TNFAIP8: variants seen among roughly 807,000 people sequenced by gnomAD.
TNFAIP8 encodes the protein TNF alpha induced protein 8.
In TNFAIP8, 7 loss-of-function variants were observed where a neutral mutation model predicts 13.3. The observed-to-expected ratio is 0.52, with a 90% CI of 0.30 to 0.99. The LOEUF (loss-of-function observed/expected upper bound fraction) is 0.99. TNFAIP8 is among the 50% of genes least tolerant of loss of function. The pLI is 0.07. For missense variants in TNFAIP8, 258 were observed against 236.9 expected (o/e 1.09, Z -0.58); for synonymous variants, 94 against 87.6 (o/e 1.07, Z -0.41).
intron 1 of TNFAIP8, among the ~76,000 whole-genome samples, chr5:119,315,388 G>T (rs1039640821): frequency 6.6e-6 from 1 of 152,166 alleles, no homozygotes; most frequent in African/African-American, 2.4e-5. Context: ...CTGGCCATAA[G>T]TTACTGATAA....
At chr5:119,310,812 TC>T (rs1382786849) in intron 1 of TNFAIP8, among the ~76,000 whole-genome samples, 2 of 151,860 alleles carry the variant, frequency 1.3e-5, no homozygotes, top group Admixed American at 6.6e-5. Context: ...GGGTGACAGA[TC>T]GAGACTCCAC....
At chr5:119,303,340 C>G (rs1004010523) in intron 1 of TNFAIP8, among the ~76,000 whole-genome samples, 10 of 152,138 alleles carry the variant, frequency 6.6e-5, no homozygotes, top group African/African-American at 1.7e-4. Flanking sequence ...AATGTTTTGC[C>G]ACTGACAACA....
At chr5:119,298,888 G>C (rs1174164898) in intron 1 of TNFAIP8, among the ~76,000 whole-genome samples, 1 of 152,054 alleles carries the variant, frequency 6.6e-6, no homozygotes, top group Admixed American at 6.5e-5. Flanking sequence ...CTTTCTTCCA[G>C]TTGATCTCAT....
At chr5:119,377,925 A>G (rs1418218459) in intron 1 of TNFAIP8, among the ~76,000 whole-genome samples, 1 of 152,200 alleles carries the variant, frequency 6.6e-6, no homozygotes. Context: ...CAGGAAATGA[A>G]CAGAAATGTG....
chr5:119,285,172 A>G (rs61179451), intron 1 of TNFAIP8, among the ~76,000 whole-genome samples: 10,559 of 152,236 alleles, frequency 0.069, 885 homozygotes, highest in African/African-American at 0.2. Flanking sequence ...GGAGGCGAGC[A>G]GGCGAGCAGA....
chr5:119,281,405 A>G (rs1392580854), intron 1 of TNFAIP8, among the ~76,000 whole-genome samples: 3 of 152,142 alleles, frequency 2.0e-5, no homozygotes, highest in Non-Finnish European at 4.4e-5. Context: ...GTTCAAGACT[A>G]TAGGGTTTCT....
At chr5:119,307,545 A>G (rs931632879) in intron 1 of TNFAIP8, among the ~76,000 whole-genome samples, 1 of 152,234 alleles carries the variant, frequency 6.6e-6, no homozygotes, top group Non-Finnish European at 1.5e-5. Flanking sequence ...GGATAGATGC[A>G]TATAGTTAAG....
chr5:119,350,044 A>G (rs1397486389), intron 1 of TNFAIP8, among the ~76,000 whole-genome samples: 1 of 152,226 alleles, frequency 6.6e-6, no homozygotes, highest in African/African-American at 2.4e-5. Flanking sequence ...TTAATTACAT[A>G]TCTGTAAAAT....
intron 1 of TNFAIP8, among the ~76,000 whole-genome samples, chr5:119,349,768 TG>T (rs1369542694): frequency 6.6e-6 from 1 of 152,248 alleles, no homozygotes; most frequent in Non-Finnish European, 1.5e-5. Flanking sequence ...TTTAAAGCTG[TG>T]ATCAAGTCAT....
rs1335200438 is a variant in TNFAIP8, at chr5:119,398,859, A to G, written c.*5478A>G. 3 of 152,224 alleles carry G rather than the reference A, an allele frequency of 2.0e-5. No homozygotes were observed. Among genetic ancestry groups the G allele is most frequent in the Admixed American group, 6.5e-5 (1 of 15,274 alleles). The allele number at this position is 152,224 out of a possible 1,614,324, so 9.4% of individuals were successfully genotyped here. A position where few individuals can be genotyped will look rare whatever the true frequency, so the allele number is the denominator to read the frequency against. ...AAGCTGAGGTTTCGTCTTCCTAGAAATGGACTTTTATTAGGCCAGCAAGAA... is the reference window on the plus strand; with the variant it reads ...AAGCTGAGGTTTCGTCTTCCTAGAAGTGGACTTTTATTAGGCCAGCAAGAA... On this transcript the variant is annotated 3_prime_UTR_variant, in exon 2 of 2. Coordinates refer to ENST00000504771, the MANE Select transcript of TNFAIP8 (RefSeq NM_014350.4).
intron 1 of TNFAIP8, among the ~76,000 whole-genome samples, chr5:119,376,208 G>A (rs984713704): frequency 3.3e-5 from 5 of 151,392 alleles, no homozygotes; most frequent in East Asian, 1.9e-4. Flanking sequence ...TCCCCGTCCC[G>A]GCTTCAAGAG....
chr5:119,386,504 A>T (rs757673057), intron 1 of TNFAIP8, among the ~76,000 whole-genome samples: 31 of 146,722 alleles, frequency 2.1e-4, no homozygotes, highest in Non-Finnish European at 3.9e-4. Flanking sequence ...TACTCCCGTC[A>T]AAAGAACCCA....
chr5:119,311,922 A>G (rs1218691644), intron 1 of TNFAIP8, among the ~76,000 whole-genome samples: 4 of 152,224 alleles, frequency 2.6e-5, no homozygotes, highest in Non-Finnish European at 5.9e-5. Flanking sequence ...CATCAAATTT[A>G]ACCAAACCTA....
chr5:119,342,599 T>C (rs1425473491), intron 1 of TNFAIP8, among the ~76,000 whole-genome samples: 3 of 152,212 alleles, frequency 2.0e-5, no homozygotes, highest in Non-Finnish European at 1.5e-5. Flanking sequence ...AGTCCACCAG[T>C]GCTGTCTCTG....
chr5:119,382,119 C>A (rs1214467341), intron 1 of TNFAIP8, among the ~76,000 whole-genome samples: 6 of 152,164 alleles, frequency 3.9e-5, no homozygotes, highest in Admixed American at 3.9e-4. Context: ...TTCCACAGAT[C>A]TGCTCTGAAA....
At chr5:119,308,068 A>G (rs1419780994) in intron 1 of TNFAIP8, among the ~76,000 whole-genome samples, 1 of 152,224 alleles carries the variant, frequency 6.6e-6, no homozygotes, top group African/African-American at 2.4e-5. Flanking sequence ...AACCCCTGTA[A>G]TTTACAGATG....
chr5:119,269,276 C>A (rs1286426264), intron 1 of TNFAIP8, among the ~76,000 whole-genome samples: 1 of 152,176 alleles, frequency 6.6e-6, no homozygotes, highest in East Asian at 1.9e-4. Flanking sequence ...CCTGTAACCG[C>A]ACATACTGGC....
At chr5:119,374,593 C>T (rs749919424) in intron 1 of TNFAIP8, among the ~76,000 whole-genome samples, 3 of 152,130 alleles carry the variant, frequency 2.0e-5, no homozygotes, top group African/African-American at 7.2e-5. Context: ...TGGTTGCCAG[C>T]GCAGGGAACA....
intron 1 of TNFAIP8, among the ~76,000 whole-genome samples, chr5:119,278,414 TGTGTGTG>T (rs1748527026): frequency 7.1e-6 from 1 of 141,840 alleles, no homozygotes; most frequent in African/African-American, 2.8e-5. Flanking sequence ...TGTGTGTGTG[TGTGTGTG>T]AAGGGTGGAC....
Sources: gnomAD v4.1 joint callset for allele counts (sites outside exome capture counted in the v4.1 genomes callset) on GRCh38, gnomAD v4.1.1 for gene constraint, MANE v1.5 for transcripts, NCBI Gene and HGNC (gene_info 2026-07-23, HGNC 2026-07-21) for gene names.